RHEB: variants seen among roughly 807,000 people sequenced by gnomAD.
The protein encoded by RHEB is Ras homolog, mTORC1 binding.
In RHEB, 2 loss-of-function variants were observed where a neutral mutation model predicts 28.8. The observed-to-expected ratio is 0.07, with a 90% CI of 0.03 to 0.22. The LOEUF is 0.22. Ranked by LOEUF, RHEB falls within the 10% of genes least tolerant of loss-of-function variation. RHEB has a pLI of 1.00. For synonymous variants in RHEB, 69 were observed against 77.3 expected (o/e 0.89, Z 0.56); for missense variants, 76 against 219.9 (o/e 0.35, Z 4.14).
At chr7:151,478,817 TAG>T (rs1563092945) in intron 3 of RHEB, among the ~76,000 whole-genome samples, 1 of 152,164 alleles carries the variant, frequency 6.6e-6, no homozygotes, top group African/African-American at 2.4e-5. Flanking sequence ...GCATTTGCAG[TAG>T]AGACAGGATT....
At chr7:151,519,350 G>T in intron 1 of RHEB, 110 bp downstream of exon 1, 1 of 736,936 alleles carries the variant, frequency 1.4e-6, no homozygotes, top group Non-Finnish European at 1.8e-6. Flanking sequence ...GCCCCCGCCC[G>T]CCCCGCCACA....
intron 1 of RHEB, among the ~76,000 whole-genome samples, chr7:151,517,369 G>GAAAAAAAAAAAA (rs1563103629): frequency 1.9e-5 from 1 of 52,050 alleles, no homozygotes; most frequent in Non-Finnish European, 6.0e-5. Flanking sequence ...ACTCCGTCTC[G>GAAAAAAAAAAAA]GAAAAAAAAA....
intron 2 of RHEB, among the ~76,000 whole-genome samples, chr7:151,487,574 T>C (rs900464458): frequency 1.3e-5 from 2 of 151,640 alleles, no homozygotes; most frequent in South Asian, 2.1e-4. Flanking sequence ...GTAAAAAGAA[T>C]GTAACTTGTC....
chr7:151,501,915 A>G, intron 1 of RHEB: 1 of 719,680 alleles, frequency 1.4e-6, no homozygotes, highest in South Asian at 1.4e-5. Flanking sequence ...AGGAACGTGG[A>G]GTTCTGGAAG....
chr7:151,477,200 C>T (rs2074997), intron 4 of RHEB, 133 bp downstream of exon 4: 7 of 657,318 alleles, frequency 1.1e-5, no homozygotes, highest in African/African-American at 7.6e-5. Flanking sequence ...AGTTGCTCCA[C>T]GAGAAAATCA....
At chr7:151,490,104 T>C (rs965765964) in intron 2 of RHEB, among the ~76,000 whole-genome samples, 4 of 152,168 alleles carry the variant, frequency 2.6e-5, no homozygotes, top group African/African-American at 9.6e-5. Context: ...AAAGACCAGC[T>C]TCCCTGCTTC....
chr7:151,514,641 T>C (rs950269732), intron 1 of RHEB, among the ~76,000 whole-genome samples: 2 of 152,204 alleles, frequency 1.3e-5, no homozygotes, highest in African/African-American at 4.8e-5. Flanking sequence ...GAGTTAACCA[T>C]AATGACCCAG....
intron 4 of RHEB, among the ~76,000 whole-genome samples, chr7:151,473,365 T>C (rs1451087525): frequency 6.6e-6 from 1 of 152,154 alleles, no homozygotes; most frequent in Non-Finnish European, 1.5e-5. Context: ...CTGGGAAACA[T>C]CTTCCCCCAG....
chr7:151,479,555 C>CAT, intron 3 of RHEB, among the ~76,000 whole-genome samples: 1 of 151,718 alleles, frequency 6.6e-6, no homozygotes, highest in Non-Finnish European at 1.5e-5. Flanking sequence ...TGGTGGCGGG[C>CAT]GCCTGTAGTC....
intron 1 of RHEB, among the ~76,000 whole-genome samples, chr7:151,495,927 C>T (rs1328595805): frequency 3.3e-5 from 5 of 152,168 alleles, no homozygotes; most frequent in African/African-American, 4.8e-5. Flanking sequence ...ACTCCAGCCA[C>T]GGTCTGTCCC....
rs182462884 is a variant in RHEB at position 151,478,550 on chromosome 7, A to G, written c.193-1135T>C. Among the ~76,000 whole-genome samples, 67 of 152,340 alleles carry G rather than the reference A, an allele frequency of 4.4e-4. No individual in the cohort carries two copies. The East Asian group carries it at 0.013, about 28-fold the overall frequency. On this transcript the variant is annotated intron_variant, in intron 3 of 7. Coordinates refer to ENST00000262187, the MANE Select transcript of RHEB (RefSeq NM_005614.4). ...CTAAAGGGAAACTGTGGAAACATAG[A>G]AAAAAGAAGTTATGTCTAAGAAGCA...
chr7:151,502,363 T>TA, intron 1 of RHEB: 1 of 823,140 alleles, frequency 1.2e-6, no homozygotes. Flanking sequence ...GAACTGCATC[T>TA]AACATTAAGG....
chr7:151,498,110 G>C (rs1053118669), intron 1 of RHEB: 1 of 1,289,266 alleles, frequency 7.8e-7, no homozygotes, highest in Non-Finnish European at 1.0e-6. Context: ...GTGCCCATGG[G>C]GATGCACCTG....
chr7:151,515,030 C>A (rs1331955867), intron 1 of RHEB, among the ~76,000 whole-genome samples: 1 of 150,548 alleles, frequency 6.6e-6, no homozygotes, highest in Non-Finnish European at 1.5e-5. Flanking sequence ...CAGAGCAAGA[C>A]CCTGCCTCAG....
chr7:151,516,803 A>T (rs1803089812), intron 1 of RHEB, among the ~76,000 whole-genome samples: 2 of 152,120 alleles, frequency 1.3e-5, no homozygotes, highest in East Asian at 1.9e-4. Flanking sequence ...AAAGGTGTGG[A>T]GGCTTTTTAT....
chr7:151,479,500 G>T (rs370744691), intron 3 of RHEB, among the ~76,000 whole-genome samples: 3 of 151,996 alleles, frequency 2.0e-5, no homozygotes, highest in African/African-American at 7.2e-5. Context: ...GGCTAACACA[G>T]TGAAACCCCG....
At chr7:151,478,838 T>A (rs534939319) in intron 3 of RHEB, among the ~76,000 whole-genome samples, 2 of 152,296 alleles carry the variant, frequency 1.3e-5, no homozygotes, top group African/African-American at 4.8e-5. Flanking sequence ...TTTTACCACG[T>A]TGGCCAGGCT....
At chr7:151,467,655 C>T (rs1334797659) in intron 7 of RHEB, among the ~76,000 whole-genome samples, 3 of 152,172 alleles carry the variant, frequency 2.0e-5, no homozygotes, top group African/African-American at 4.8e-5. Flanking sequence ...GTGGGGAAGG[C>T]ACCCTCCGTG....
At position 151,484,786 on chromosome 7, in the gene RHEB, G is replaced by A; in HGVS notation, c.143C>T (p.Thr48Ile). The A allele has an allele frequency of 6.2e-7, 1 of 1,612,254 alleles. No individual in the cohort carries two copies. The highest frequency in any genetic ancestry group is 8.5e-7 in the Non-Finnish European group (1 of 1,178,570). Residue 48 changes from threonine (T) to isoleucine (I), a missense_variant, in exon 3 of 8, where the codon ACA (threonine) becomes ATA (isoleucine). Transcript: ENST00000262187. Reference sequence around the variant, plus strand: ...AAGATGATATTCTTGTCCATTTACTGTGATCAACTTTGTAAAAGCTACAGG... The same window carrying A: ...AAGATGATATTCTTGTCCATTTACTATGATCAACTTTGTAAAAGCTACAGG... The part of the protein sequence containing the change: ...TIENTFTKLI[T>I]VNGQEYHLQL...
Sources: gnomAD v4.1 joint callset for allele counts (sites outside exome capture counted in the v4.1 genomes callset) on GRCh38, gnomAD v4.1.1 for gene constraint, MANE v1.5 for transcripts, NCBI Gene and HGNC (gene_info 2026-07-23, HGNC 2026-07-21) for gene names.